Variants in SLC44A1 observed in about 807,000 individuals in gnomAD.
The protein encoded by SLC44A1 is solute carrier family 44 member 1.
Under a neutral mutation model 79.3 loss-of-function variants are expected in SLC44A1, and 26 were observed. The observed-to-expected ratio is 0.33, with a 90% CI of 0.24 to 0.46. The LOEUF is 0.46. Ranked by LOEUF, SLC44A1 falls within the 20% of genes least tolerant of loss-of-function variation. The pLI, the probability that SLC44A1 is intolerant of heterozygous loss-of-function variation, is 1.00. For synonymous variants in SLC44A1, 263 were observed against 286.2 expected (o/e 0.92, Z 0.82); for missense variants, 688 against 798.1 (o/e 0.86, Z 1.66).
intron 15 of SLC44A1, among the ~76,000 whole-genome samples, chr9:105,425,334 C>G (rs1255125523): frequency 6.6e-6 from 1 of 151,996 alleles, no homozygotes; most frequent in Non-Finnish European, 1.5e-5. Context: ...AGGTATTAAC[C>G]AAACAGGAAA....
In SLC44A1 at chr9:105,391,029, C is replaced by T; in HGVS notation, c.*1973C>T. On this transcript the variant is annotated 3_prime_UTR_variant, in exon 16 of 16. Coordinates refer to ENST00000374720, the MANE Select transcript of SLC44A1 (RefSeq NM_080546.5). Reference sequence around the variant, plus strand: ...CAGAATACCATCTGTTTCATAGCCGCACAGATTTTGGACTTTCACAAACAT... The same window carrying T: ...CAGAATACCATCTGTTTCATAGCCGTACAGATTTTGGACTTTCACAAACAT... 1 of 985,654 alleles carries T rather than the reference C, an allele frequency of 1.0e-6. No individual in the cohort carries two copies. The allele number at this position is 985,654 out of a possible 1,614,324, so 61.1% of individuals were successfully genotyped here.
Position 105,361,328 on chromosome 9 carries a change from A to G in SLC44A1, c.898A>G (p.Thr300Ala). ...LIYAISATVF[T>A]VILFLIMLVM... Reference sequence around the variant, plus strand: ...TTATGCCATTTCAGCTACAGTGTTCACAGTGAGTTTAGGCTTTGGCGTGTC... The same window carrying G: ...TTATGCCATTTCAGCTACAGTGTTCGCAGTGAGTTTAGGCTTTGGCGTGTC... The change falls in exon 8 of 16, where the codon ACA (threonine) becomes GCA (alanine). Residue 300 changes from threonine (T) to alanine (A), a missense_variant and splice_region_variant. Physicochemically the swap from Thr to Ala is moderately conservative, Grantham distance 58. Coordinates refer to ENST00000374720, the MANE Select transcript of SLC44A1 (RefSeq NM_080546.5). The G allele has an allele frequency of 1.9e-6, 3 of 1,602,140 alleles. No individual in the cohort carries two copies. Among genetic ancestry groups the G allele is most frequent in the Non-Finnish European group, 2.6e-6 (3 of 1,175,004 alleles).
chr9:105,259,432 G>A (rs1270977075), intron 1 of SLC44A1, among the ~76,000 whole-genome samples: 1 of 152,148 alleles, frequency 6.6e-6, no homozygotes, highest in Non-Finnish European at 1.5e-5. Context: ...GAAGAAAATG[G>A]CCTCAATAAA....
chr9:105,319,181 A>G (rs992929983), intron 3 of SLC44A1, among the ~76,000 whole-genome samples: 3 of 152,200 alleles, frequency 2.0e-5, no homozygotes, highest in Non-Finnish European at 2.9e-5. Flanking sequence ...CCACCCTTAT[A>G]TCTGACCCCA....
rs1359493740 is a variant in SLC44A1, at chr9:105,362,831, T to A, written c.911T>A (p.Phe304Tyr). ...ATTCTCTCCATACAGGTGATCTTAT[T>A]CCTGATAATGTTGGTTATGCGCAAA... ...ISATVFTVIL[F>Y]LIMLVMRKRV... Residue 304 changes from phenylalanine to tyrosine, a missense_variant, in exon 9 of 16, where the codon TTC becomes TAC. Coordinates refer to ENST00000374720, the MANE Select transcript of SLC44A1 (RefSeq NM_080546.5). 1 of 1,601,622 alleles carries A rather than the reference T, an allele frequency of 6.2e-7. No individual in the cohort carries two copies. Among genetic ancestry groups the A allele is most frequent in the African/African-American group, 1.3e-5 (1 of 74,408 alleles).
Position 105,403,124 on chromosome 9 carries a change from A to G in SLC44A1, c.1950+17622A>G, listed in dbSNP as rs546292679. 3.3e-5 allele frequency among the ~76,000 whole-genome samples: 5 copies of G among 151,992 alleles called. No individual in the cohort carries two copies. In the South Asian group the frequency reaches 8.3e-4, roughly 25 times the overall value. On this transcript the variant is annotated intron_variant, in intron 15 of 15. Coordinates refer to the SLC44A1 transcript ENST00000374724. ...TGTGAGCCACCATGCCCAGCCCGAAAAGATTATTAAACTAAAAATATAAAA... is the reference window on the plus strand; with the variant it reads ...TGTGAGCCACCATGCCCAGCCCGAAGAGATTATTAAACTAAAAATATAAAA...
chr9:105,392,965 AAC>A lies in SLC44A1; in HGVS notation c.*3911_*3912del, dbSNP rs1359386098. 66 of 906,912 alleles carry A rather than the reference AAC, an allele frequency of 7.3e-5. No individual in the cohort carries two copies. The highest frequency in any genetic ancestry group is 1.6e-4 in the South Asian group (3 of 18,820). The allele number at this position is 906,912 out of a possible 1,614,324, so 56.2% of individuals were successfully genotyped here. On this transcript the variant is annotated 3_prime_UTR_variant, in exon 16 of 16. Coordinates refer to ENST00000374720, the MANE Select transcript of SLC44A1 (RefSeq NM_080546.5). ...TTTTCTACTGCTACTTTAAAAAAAA[AAC>A]AACAACAACAAATAAAACTCTCAGA...
chr9:105,258,211 A>C (rs1007631272), intron 1 of SLC44A1, among the ~76,000 whole-genome samples: 1 of 152,206 alleles, frequency 6.6e-6, no homozygotes, highest in Non-Finnish European at 1.5e-5. Context: ...TAGTTTGTGG[A>C]GAGGGGAAGA....
chr9:105,377,454 A>G (rs990142576), intron 13 of SLC44A1, among the ~76,000 whole-genome samples: 3 of 146,636 alleles, frequency 2.0e-5, no homozygotes. Context: ...TTTTTTAATG[A>G]AAAATAAAAA....
At chr9:105,357,591 A>G (rs1827658346) in intron 6 of SLC44A1, among the ~76,000 whole-genome samples, 1 of 152,186 alleles carries the variant, frequency 6.6e-6, no homozygotes, top group African/African-American at 2.4e-5. Context: ...TTTCCCATGC[A>G]AGGGTTAAAT....
intron 1 of SLC44A1, among the ~76,000 whole-genome samples, chr9:105,278,236 T>G (rs1249606151): frequency 6.6e-6 from 1 of 151,600 alleles, no homozygotes; most frequent in Non-Finnish European, 1.5e-5. Context: ...AATTTTTTTT[T>G]CTTTTTCTAT....
At chr9:105,337,333 T>C (rs1308293577) in intron 4 of SLC44A1, among the ~76,000 whole-genome samples, 1 of 152,188 alleles carries the variant, frequency 6.6e-6, no homozygotes, top group Non-Finnish European at 1.5e-5. Flanking sequence ...TTTCCACATC[T>C]ATGAAATAGG....
intron 2 of SLC44A1, chr9:105,299,768 G>T: frequency 2.0e-6 from 2 of 986,328 alleles, no homozygotes; most frequent in Non-Finnish European, 2.4e-6. Context: ...TGTGTCTGCT[G>T]TAATGAGTGG....
At chr9:105,380,820 C>G (rs1235966404) in intron 13 of SLC44A1, among the ~76,000 whole-genome samples, 1 of 152,150 alleles carries the variant, frequency 6.6e-6, no homozygotes, top group Non-Finnish European at 1.5e-5. Context: ...TTTTTAAATG[C>G]AAACTACTGG....
At chr9:105,262,784 AC>A (rs1209333784) in intron 1 of SLC44A1, among the ~76,000 whole-genome samples, 1 of 152,212 alleles carries the variant, frequency 6.6e-6, no homozygotes, top group African/African-American at 2.4e-5. Context: ...TTTGTTTCCT[AC>A]CACTACATCA....
intron 3 of SLC44A1, among the ~76,000 whole-genome samples, chr9:105,324,573 T>TA (rs1231647577): frequency 6.6e-6 from 1 of 152,134 alleles, no homozygotes; most frequent in Non-Finnish European, 1.5e-5. Flanking sequence ...GTTTTTACTC[T>TA]ACTGTCATCC....
rs199886973 is a variant in SLC44A1, at chr9:105,287,203, CCT to C, written c.37-12015_37-12014del. 5.3e-3 allele frequency among the ~76,000 whole-genome samples: 810 copies of C among 152,158 alleles called. 11 individuals carry two copies. The highest frequency in any genetic ancestry group is 0.019 in the African/African-American group (770 of 41,458). On this transcript the variant is annotated intron_variant, in intron 1 of 15. Coordinates refer to ENST00000374720, the MANE Select transcript of SLC44A1 (RefSeq NM_080546.5). ...TTCAACTTCCTTTAAAACTTTAAGA[CCT>C]CACAGTCTGTATGTTTATCAAAACA...
chr9:105,266,112 C>T (rs573336464), intron 1 of SLC44A1, among the ~76,000 whole-genome samples: 2 of 152,178 alleles, frequency 1.3e-5, no homozygotes, highest in African/African-American at 4.8e-5. Flanking sequence ...TGTGTGCCAC[C>T]GTACCTGGCT....
At chr9:105,354,469 A>T (rs1827557916) in intron 5 of SLC44A1, among the ~76,000 whole-genome samples, 1 of 152,236 alleles carries the variant, frequency 6.6e-6, no homozygotes, top group African/African-American at 2.4e-5. Context: ...AAAAACAATT[A>T]TTTGAATACC....
Sources: allele counts gnomAD v4.1 joint callset (sites outside exome capture counted in the v4.1 genomes callset), GRCh38; gene constraint gnomAD v4.1.1; transcripts MANE v1.5; gene names NCBI Gene and HGNC (gene_info 2026-07-23, HGNC 2026-07-21).